DPYD: variants seen among roughly 807,000 people sequenced by gnomAD.
DPYD encodes dihydropyrimidine dehydrogenase, also known as dihydropyrimidine dehydrogenase [NADP(+)].
DPYD carries 109 observed loss-of-function variants against 116.2 expected under a neutral mutation model. That is an observed-to-expected ratio of 0.94 (90% confidence interval 0.80 to 1.10). The LOEUF is 1.10. Ranked by LOEUF, DPYD falls within the 50% of genes least tolerant of loss-of-function variation. The pLI is 0.00. For synonymous variants in DPYD, 440 were observed against 432.0 expected (o/e 1.02, Z -0.23); for missense variants, 1,302 against 1,254.5 (o/e 1.04, Z -0.57).
chr1:97,253,156 C>T (rs186055956), intron 18 of DPYD, among the ~76,000 whole-genome samples: 9 of 152,174 alleles, frequency 5.9e-5, no homozygotes, highest in Admixed American at 5.9e-4. Context: ...TTCACAATGG[C>T]ACATTTATGG....
chr1:97,883,991 A>T, intron 1 of DPYD: 1 of 308,394 alleles, frequency 3.2e-6, no homozygotes, highest in Non-Finnish European at 6.2e-6. Flanking sequence ...AAAAAGTGAG[A>T]AGATATACTT....
intron 21 of DPYD, among the ~76,000 whole-genome samples, chr1:97,090,659 C>T (rs930964449): frequency 6.6e-6 from 1 of 152,180 alleles, no homozygotes; most frequent in Non-Finnish European, 1.5e-5. Flanking sequence ...TTTGATTGAA[C>T]TGTAAATAAT....
intron 7 of DPYD, among the ~76,000 whole-genome samples, chr1:97,683,432 G>A (rs1393731544): frequency 2.0e-5 from 3 of 151,646 alleles, no homozygotes; most frequent in African/African-American, 4.8e-5. Context: ...CTAAAACTAC[G>A]AAGCAGAAGA....
intron 2 of DPYD, among the ~76,000 whole-genome samples, chr1:97,870,899 T>C (rs1671623108): frequency 6.6e-6 from 1 of 151,868 alleles, no homozygotes; most frequent in South Asian, 2.1e-4. Flanking sequence ...CACCGATTAG[T>C]GTTTGAATAG....
intron 1 of DPYD, among the ~76,000 whole-genome samples, chr1:97,918,302 C>CT (rs1391267048): frequency 2.0e-5 from 3 of 152,212 alleles, no homozygotes; most frequent in African/African-American, 7.2e-5. Flanking sequence ...TTCAGAGAGG[C>CT]TAACTTGCCC....
chr1:97,437,513 A>G (rs1243658268), intron 14 of DPYD, among the ~76,000 whole-genome samples: 1 of 151,870 alleles, frequency 6.6e-6, no homozygotes, highest in Non-Finnish European at 1.5e-5. Flanking sequence ...AACTTCTATG[A>G]ACATTCCCGT....
intron 16 of DPYD, among the ~76,000 whole-genome samples, chr1:97,360,345 A>G (rs890396352): frequency 1.6e-4 from 24 of 152,274 alleles, no homozygotes; most frequent in African/African-American, 5.5e-4. Flanking sequence ...CACAATAATA[A>G]TGGGAGATTT....
At chr1:97,099,144 A>G (rs781278642) in intron 20 of DPYD, among the ~76,000 whole-genome samples, 2 of 152,104 alleles carry the variant, frequency 1.3e-5, no homozygotes, top group Non-Finnish European at 2.9e-5. Context: ...AATTCTTACT[A>G]CATCTCTTTA....
At chr1:97,487,646 C>A (rs1394601335) in intron 13 of DPYD, among the ~76,000 whole-genome samples, 2 of 152,130 alleles carry the variant, frequency 1.3e-5, no homozygotes, top group Non-Finnish European at 2.9e-5. Flanking sequence ...GCACTCCAGC[C>A]TGGGCGACAG....
At chr1:97,252,221 T>C (rs1459603253) in intron 18 of DPYD, among the ~76,000 whole-genome samples, 1 of 152,204 alleles carries the variant, frequency 6.6e-6, no homozygotes, top group Admixed American at 6.5e-5. Flanking sequence ...TTGAGGTCAT[T>C]ACTTTGTCTA....
At chr1:97,233,670 C>T (rs673989) in intron 19 of DPYD, among the ~76,000 whole-genome samples, 149,068 of 152,200 alleles carry the variant, frequency 0.98, 73,023 homozygotes, top group East Asian at 1. Context: ...TGTTTCTGGG[C>T]TGTTGAGCTT....
chr1:97,581,142 A>C (rs1156329930), intron 10 of DPYD, among the ~76,000 whole-genome samples: 2 of 147,080 alleles, frequency 1.4e-5, no homozygotes, highest in East Asian at 3.9e-4. Context: ...TGTCTCTATT[A>C]AAAATGCAAC....
Position 97,581,147 on chromosome 1 carries a change from T to TACAACA in DPYD, c.1129-7178_1129-7177insTGTTGT, listed in dbSNP as rs1210385210. On this transcript the variant is annotated intron_variant, in intron 10 of 22. Coordinates refer to ENST00000370192, the MANE Select transcript of DPYD (RefSeq NM_000110.4). ...GGTGAAACCCTGTCTCTATTAAAAA[T>TACAACA]GCAACAACAACAACAACAACAACAA... 5.9e-4 allele frequency among the ~76,000 whole-genome samples: 83 copies of TACAACA among 140,466 alleles called. 1 individual carries two copies. Among genetic ancestry groups the TACAACA allele is most frequent in the Middle Eastern group, 4.0e-3 (1 of 250 alleles). The allele number at this position is 140,466 out of a possible 152,430, so 92.2% of individuals were successfully genotyped here.
intron 3 of DPYD, among the ~76,000 whole-genome samples, chr1:97,820,257 G>T (rs2101441624): frequency 6.6e-6 from 1 of 152,214 alleles, no homozygotes; most frequent in East Asian, 1.9e-4. Flanking sequence ...AATACTAACA[G>T]AGGAGTGAAA....
At chr1:97,345,672 G>A (rs959574699) in intron 16 of DPYD, among the ~76,000 whole-genome samples, 1 of 151,844 alleles carries the variant, frequency 6.6e-6, no homozygotes, top group African/African-American at 2.4e-5. Context: ...TGTGTAAGAA[G>A]GCTTCTAGTC....
intron 1 of DPYD, among the ~76,000 whole-genome samples, chr1:97,918,322 G>A (rs1372352151): frequency 1.3e-5 from 2 of 152,044 alleles, no homozygotes; most frequent in Non-Finnish European, 2.9e-5. Flanking sequence ...CAAACACACA[G>A]CTTAAAGTTA....
At chr1:97,449,498 T>C (rs1174818254) in intron 14 of DPYD, among the ~76,000 whole-genome samples, 1 of 152,080 alleles carries the variant, frequency 6.6e-6, no homozygotes, top group Non-Finnish European at 1.5e-5. Flanking sequence ...AATCAGACTA[T>C]TGAAGAGAAA....
chr1:97,546,345 T>A, intron 12 of DPYD: 4 of 1,418,964 alleles, frequency 2.8e-6, no homozygotes, highest in Non-Finnish European at 4.0e-6. Context: ...CAAATGGAGT[T>A]GTTGGGAATG....
intron 5 of DPYD, among the ~76,000 whole-genome samples, chr1:97,717,240 C>T (rs974952221): frequency 2.0e-5 from 3 of 151,782 alleles, no homozygotes; most frequent in Non-Finnish European, 4.4e-5. Flanking sequence ...TATGCTGATA[C>T]GACAAGGATT....
Sources: allele counts gnomAD v4.1 joint callset (sites outside exome capture counted in the v4.1 genomes callset), GRCh38; gene constraint gnomAD v4.1.1; transcripts MANE v1.5; gene names NCBI Gene and HGNC (gene_info 2026-07-23, HGNC 2026-07-21).